The following TM9SF4 variants were observed in gnomAD, a reference collection of about 807,000 sequenced individuals.
The protein encoded by TM9SF4 is transmembrane 9 superfamily member 4, also known as dinucleotide oxidase disulfide thiol exchanger 3 superfamily member 4.
In TM9SF4, 26 loss-of-function variants were observed where a neutral mutation model predicts 90.4. That is an observed-to-expected ratio of 0.29 (90% confidence interval 0.21 to 0.40). The LOEUF is 0.40. TM9SF4 is among the 10% of genes least tolerant of loss of function. The pLI, the probability that TM9SF4 is intolerant of heterozygous loss-of-function variation, is 1.00. For synonymous variants in TM9SF4, 293 were observed against 315.4 expected (o/e 0.93, Z 0.75); for missense variants, 549 against 834.8 (o/e 0.66, Z 4.22).
chr20:32,145,529 T>C, intron 8 of TM9SF4, 106 bp downstream of exon 8: 1 of 971,070 alleles, frequency 1.0e-6, no homozygotes, highest in Non-Finnish European at 1.6e-6. Flanking sequence ...GGGTCAGGCG[T>C]AGGTCAAAAA....
At chr20:32,143,298 C>T (rs990398882) in intron 6 of TM9SF4, among the ~76,000 whole-genome samples, 193 bp downstream of exon 6, 3 of 152,196 alleles carry the variant, frequency 2.0e-5, no homozygotes, top group East Asian at 1.9e-4. Context: ...TGCAGTGTCA[C>T]GGGCTAGACA....
At chr20:32,115,734 T>A (rs1424008948) in intron 1 of TM9SF4, among the ~76,000 whole-genome samples, 13 of 152,006 alleles carry the variant, frequency 8.6e-5, no homozygotes, top group African/African-American at 2.9e-4. Context: ...GGAAAACCGT[T>A]TGCGCTTTTA....
At chr20:32,126,281 G>T (rs529846206) in intron 1 of TM9SF4, among the ~76,000 whole-genome samples, 4 of 152,054 alleles carry the variant, frequency 2.6e-5, no homozygotes, top group Admixed American at 6.6e-5. Flanking sequence ...AGAGTCTCAG[G>T]CCCTACCCAG....
At chr20:32,163,265 AAAAATATATAT>A (rs1224304450) in intron 17 of TM9SF4, among the ~76,000 whole-genome samples, 5 of 79,078 alleles carry the variant, frequency 6.3e-5, no homozygotes, top group African/African-American at 3.0e-4. Flanking sequence ...AAAAAAAAAA[AAAAATATATAT>A]ATATATATAT....
intron 16 of TM9SF4, among the ~76,000 whole-genome samples, chr20:32,160,767 G>GGT (rs1295601282): frequency 6.6e-6 from 1 of 151,872 alleles, no homozygotes; most frequent in Non-Finnish European, 1.5e-5. Context: ...TGGCTAACAT[G>GGT]GTGAAACCCC....
chr20:32,119,927 G>C (rs1285884038), intron 1 of TM9SF4, among the ~76,000 whole-genome samples: 2 of 152,058 alleles, frequency 1.3e-5, no homozygotes. Flanking sequence ...TTTCTCTATT[G>C]AATTTGCCTT....
chr20:32,136,968 C>G (rs1298186959), intron 3 of TM9SF4: 1 of 470,870 alleles, frequency 2.1e-6, no homozygotes, highest in South Asian at 1.5e-5. Context: ...GTTTCTGGAA[C>G]CTCTAGCTGA....
intron 1 of TM9SF4, chr20:32,116,085 G>C (rs1384790122): frequency 6.6e-6 from 1 of 152,064 alleles, no homozygotes; most frequent in African/African-American, 2.4e-5. Context: ...GCCTCCCAAA[G>C]TGCTGGTATT....
chr20:32,141,884 G>T lies in TM9SF4; in HGVS notation c.517G>T (p.Asp173Tyr). Residue 173 changes from aspartate to tyrosine, a missense_variant, in exon 5 of 18, where the codon GAT (aspartate) becomes TAT (tyrosine). Transcript: ENST00000398022. ...ACACGGCTACCGGCTCGGCTTCACAGATGTCAACAAGGTAGAGTGTCTTTG... is the reference window on the plus strand; with the variant it reads ...ACACGGCTACCGGCTCGGCTTCACATATGTCAACAAGGTAGAGTGTCTTTG... ...FEHGYRLGFTDVNKIYLHNHL... is the reference protein window; with the variant it reads ...FEHGYRLGFTYVNKIYLHNHL... The T allele has an allele frequency of 6.2e-7, 1 of 1,614,092 alleles. No homozygotes were observed.
chr20:32,151,894 C>T (rs1457406891), intron 12 of TM9SF4, among the ~76,000 whole-genome samples: 1 of 149,778 alleles, frequency 6.7e-6, no homozygotes, highest in Non-Finnish European at 1.5e-5. Flanking sequence ...CGGAGTCTCG[C>T]TCTGTTGCCC....
At chr20:32,154,608 C>T (rs574085834) in intron 12 of TM9SF4, among the ~76,000 whole-genome samples, 1 of 152,320 alleles carries the variant, frequency 6.6e-6, no homozygotes, top group Admixed American at 6.5e-5. Context: ...CATGAGCCAC[C>T]ACACCGGCTA....
intron 1 of TM9SF4, among the ~76,000 whole-genome samples, chr20:32,113,778 C>T (rs923704176): frequency 5.9e-5 from 9 of 152,070 alleles, no homozygotes; most frequent in Admixed American, 1.3e-4. Flanking sequence ...TTGTGTAATT[C>T]GGAACATTTC....
At chr20:32,143,847 C>T (rs2046718465) in intron 6 of TM9SF4, among the ~76,000 whole-genome samples, 1 of 152,096 alleles carries the variant, frequency 6.6e-6, no homozygotes, top group Non-Finnish European at 1.5e-5. Flanking sequence ...GCTTCCCGAG[C>T]GCAGTTCTAC....
Position 32,150,838 on chromosome 20 carries a change from C to G in TM9SF4, c.1208C>G (p.Thr403Ser). ...GGFSAGRLYR[T>S]LKGHRWKKGA... is the part of the protein sequence containing the mutation. ...TTTTCTGCTGGCCGTCTGTACCGCA[C>G]TTTAAAAGGCCATCGGTGGAAGAAA... Residue 403 changes from threonine to serine, a missense_variant, in exon 12 of 18, where the codon ACT becomes AGT. By Grantham distance (58) the Thr-to-Ser change is moderately conservative. Transcript: ENST00000398022. The G allele has an allele frequency of 6.2e-7, 1 of 1,614,220 alleles. No homozygotes were observed. The highest frequency in any genetic ancestry group is 8.5e-7 in the Non-Finnish European group (1 of 1,180,048).
At chr20:32,158,108 C>A in intron 14 of TM9SF4, 139 bp downstream of exon 14, 1 of 1,223,502 alleles carries the variant, frequency 8.2e-7, no homozygotes, top group Non-Finnish European at 1.1e-6. Context: ...AACTTCACTC[C>A]AAGATCAAGG....
At chr20:32,123,894 C>T (rs1419102901) in intron 1 of TM9SF4, among the ~76,000 whole-genome samples, 1 of 66,304 alleles carries the variant, frequency 1.5e-5, no homozygotes, top group East Asian at 1.5e-3. Context: ...ATAGGGTCTC[C>T]CTCTGTCATC....
chr20:32,165,716 C>G lies in TM9SF4; in HGVS notation c.*272C>G. 4.6e-6 allele frequency: 2 copies of G among 437,134 alleles called. No individual in the cohort carries two copies. Among genetic ancestry groups the G allele is most frequent in the Non-Finnish European group, 8.4e-6 (2 of 239,502 alleles). The allele number at this position is 437,134 out of a possible 1,614,324, so 27.1% of individuals were successfully genotyped here. A position where few individuals can be genotyped will look rare whatever the true frequency, so the allele number is the denominator to read the frequency against. On this transcript the variant is annotated 3_prime_UTR_variant, in exon 18 of 18. Coordinates refer to ENST00000398022, the MANE Select transcript of TM9SF4 (RefSeq NM_014742.4). ...GAAAGTTCCCTCCAACAGGAACTCT[C>G]TGACCTGTTTATTCAGGTGTATTTC...
chr20:32,109,717 AT>A lies in TM9SF4; in HGVS notation c.-22del. The stretch of plus-strand genomic sequence containing the variant: ...AGGGAGCACCACTTCCGCTGACGTC[AT>A]TACGGCGACACGTGGATCCAAGATG... On this transcript the variant is annotated 5_prime_UTR_variant, in exon 1 of 18. Transcript: ENST00000398022. The A allele has an allele frequency of 1.3e-6, 2 of 1,551,640 alleles. No individual in the cohort carries two copies. Among genetic ancestry groups the A allele is most frequent in the Non-Finnish European group, 1.7e-6 (2 of 1,146,990 alleles).
chr20:32,131,169 A>T (rs2046505046), intron 1 of TM9SF4, among the ~76,000 whole-genome samples: 1 of 152,036 alleles, frequency 6.6e-6, no homozygotes. Flanking sequence ...AATACAATAC[A>T]CCTGTCTTAG....
Sources: allele counts gnomAD v4.1 joint callset (sites outside exome capture counted in the v4.1 genomes callset), GRCh38; gene constraint gnomAD v4.1.1; transcripts MANE v1.5; gene names NCBI Gene and HGNC (gene_info 2026-07-23, HGNC 2026-07-21).